ZNF248: variants seen among roughly 807,000 people sequenced by gnomAD.
The protein encoded by ZNF248 is zinc finger protein 248.
In ZNF248, 20 loss-of-function variants were observed where a neutral mutation model predicts 44.3. The ratio of observed to expected loss-of-function variants is 0.45; its 90% CI spans 0.32 to 0.66. The LOEUF (loss-of-function observed/expected upper bound fraction) is 0.66, where lower values mean the gene tolerates loss of function less well. Ranked by LOEUF, ZNF248 falls within the 30% of genes least tolerant of loss-of-function variation. The pLI is 0.04. For missense variants in ZNF248, 654 were observed against 677.0 expected (o/e 0.97, Z 0.38); for synonymous variants, 224 against 229.0 (o/e 0.98, Z 0.20).
intron 6 of ZNF248, chr10:37,820,403 G>A: frequency 6.6e-7 from 1 of 1,513,520 alleles, no homozygotes; most frequent in Non-Finnish European, 9.2e-7. Flanking sequence ...ACATGAGGCT[G>A]TTGGCAGAGC....
chr10:37,829,704 C>A lies in ZNF248; in HGVS notation c.*1911G>T. On this transcript the variant is annotated 3_prime_UTR_variant, in exon 6 of 6. Transcript: ENST00000395867. ...GGCTACTGCCCTTCAGAGATAAAAA[C>A]GATAAGCCAATACCATGTTACAGAC... The A allele has an allele frequency of 1.0e-6, 1 of 985,334 alleles. No individual in the cohort carries two copies. The highest frequency in any genetic ancestry group is 1.2e-6 in the Non-Finnish European group (1 of 829,920). The allele number at this position is 985,334 out of a possible 1,614,324, so 61.0% of individuals were successfully genotyped here.
intron 6 of ZNF248, among the ~76,000 whole-genome samples, chr10:37,780,412 G>A (rs1161239721): frequency 6.6e-6 from 1 of 152,162 alleles, no homozygotes; most frequent in Non-Finnish European, 1.5e-5. Flanking sequence ...AGAAGCAATG[G>A]GGAAAGGATT....
chr10:37,783,183 G>A (rs1409073569), intron 6 of ZNF248, among the ~76,000 whole-genome samples: 6 of 152,044 alleles, frequency 3.9e-5, no homozygotes, highest in Admixed American at 3.9e-4. Flanking sequence ...AACATATCTA[G>A]TCAAAGAATG....
chr10:37,836,842 G>C (rs2057313912), intron 5 of ZNF248, among the ~76,000 whole-genome samples: 1 of 150,954 alleles, frequency 6.6e-6, no homozygotes, highest in East Asian at 1.9e-4. Context: ...CACACACTAA[G>C]ATACCAGGGA....
At chr10:37,762,128 T>C in the ZNF248 span, among the ~76,000 whole-genome samples, 1 of 152,200 alleles carries the variant, frequency 6.6e-6, no homozygotes, top group African/African-American at 2.4e-5. Flanking sequence ...CTAATAATTC[T>C]AGGTAGACAA....
At chr10:37,838,897 G>A (rs113871568) in intron 3 of ZNF248, among the ~76,000 whole-genome samples, 1 of 152,038 alleles carries the variant, frequency 6.6e-6, no homozygotes, top group Non-Finnish European at 1.5e-5. Flanking sequence ...ACACATACAT[G>A]GTATGTGTGC....
downstream of ZNF248, chr10:37,776,251 A>G (rs374244418): frequency 2.1e-5 from 5 of 235,078 alleles, no homozygotes; most frequent in African/African-American, 1.1e-4. Context: ...CAAGATTAAT[A>G]TTTCCACAGC....
intron 3 of ZNF248, among the ~76,000 whole-genome samples, chr10:37,846,610 CACTCCAG>C (rs2059358124): frequency 1.3e-5 from 2 of 152,156 alleles, no homozygotes; most frequent in Admixed American, 1.3e-4. Context: ...TGAGCCAATG[CACTCCAG>C]CCTAGGGCAC....
At chr10:37,813,915 A>G (rs2051986250) in intron 6 of ZNF248, among the ~76,000 whole-genome samples, 1 of 152,230 alleles carries the variant, frequency 6.6e-6, no homozygotes, top group Non-Finnish European at 1.5e-5. Context: ...TCGGACACAG[A>G]TTAGAACCTG....
At chr10:37,821,090 G>A (rs1183503921) in intron 6 of ZNF248, 3 of 604,134 alleles carry the variant, frequency 5.0e-6, no homozygotes, top group Non-Finnish European at 8.6e-6. Flanking sequence ...GTCTACAGAG[G>A]TCCTCATGCT....
chr10:37,852,487 GA>G (rs1167410604), intron 3 of ZNF248, among the ~76,000 whole-genome samples: 2 of 151,890 alleles, frequency 1.3e-5, no homozygotes, highest in East Asian at 3.9e-4. Flanking sequence ...TGGGGTTGGG[GA>G]ATGACAGGGC....
At chr10:37,850,903 C>A (rs1250439410) in intron 3 of ZNF248, among the ~76,000 whole-genome samples, 2 of 151,734 alleles carry the variant, frequency 1.3e-5, no homozygotes, top group African/African-American at 4.8e-5. Flanking sequence ...GGCAAGAGTT[C>A]TTAAGACTTG....
At chr10:37,772,824 G>A (rs561930282), downstream of ZNF248, among the ~76,000 whole-genome samples, 3 of 152,328 alleles carry the variant, frequency 2.0e-5, no homozygotes, top group South Asian at 6.2e-4. Context: ...AACAGATGAA[G>A]TAACAGCGTT....
chr10:37,832,932 G>A lies in ZNF248; in HGVS notation c.423C>T (p.Asp141=). ...SLRNYPYKIC[D]SCEMNLKNIS... is the part of the protein sequence containing the mutation. Reference sequence around the variant, plus strand: ...TATTTTTCAAATTCATTTCACATGAGTCACATATTTTATAGGGATAATTTC... The same window carrying A: ...TATTTTTCAAATTCATTTCACATGAATCACATATTTTATAGGGATAATTTC... The change falls in exon 6 of 6, where the codon GAC becomes GAT. Residue 141 remains aspartate, a synonymous_variant. Coordinates refer to ENST00000395867, the MANE Select transcript of ZNF248 (RefSeq NM_021045.3). 1 of 1,613,278 alleles carries A rather than the reference G, an allele frequency of 6.2e-7. No homozygotes were observed. The highest frequency in any genetic ancestry group is 2.2e-5 in the East Asian group (1 of 44,836).
chr10:37,837,955 G>A, intron 4 of ZNF248, 30 bp downstream of exon 4: 4 of 1,607,106 alleles, frequency 2.5e-6, no homozygotes, highest in Non-Finnish European at 3.4e-6. Flanking sequence ...GCATGCTATT[G>A]ATAGCCATGT....
intron 6 of ZNF248, among the ~76,000 whole-genome samples, chr10:37,781,276 C>G (rs1228071619): frequency 6.6e-6 from 1 of 152,136 alleles, no homozygotes; most frequent in African/African-American, 2.4e-5. Flanking sequence ...TGGGAGCCCA[C>G]GTGAGTGACA....
chr10:37,838,221 C>CT, intron 3 of ZNF248, 110 bp from the exon 4 acceptor site: 1 of 942,576 alleles, frequency 1.1e-6, no homozygotes, highest in East Asian at 2.5e-5. Flanking sequence ...GGTTACCTCC[C>CT]TCTGTGCTGC....
chr10:37,785,845 G>C (rs2047821411), intron 6 of ZNF248, among the ~76,000 whole-genome samples: 1 of 152,190 alleles, frequency 6.6e-6, no homozygotes, highest in Non-Finnish European at 1.5e-5. Context: ...TAGATTGATT[G>C]GTTGGAACAG....
the ZNF248 span, among the ~76,000 whole-genome samples, chr10:37,769,210 C>G: frequency 6.6e-6 from 1 of 152,268 alleles, no homozygotes; most frequent in South Asian, 2.1e-4. Context: ...GGACCTGGTA[C>G]CATTCCTTCT....
Sources: allele counts gnomAD v4.1 joint callset (sites outside exome capture counted in the v4.1 genomes callset), GRCh38; gene constraint gnomAD v4.1.1; transcripts MANE v1.5; gene names NCBI Gene and HGNC (gene_info 2026-07-23, HGNC 2026-07-21).